Variants in PRR16 observed in about 807,000 individuals in gnomAD.
PRR16 encodes protein Largen.
A neutral mutation model predicts 18.2 loss-of-function variants in PRR16; 6 were observed. The observed-to-expected ratio is 0.33, with a 90% CI of 0.18 to 0.65. PRR16 has a LOEUF of 0.65. Among genes scored for constraint, PRR16 ranks in the 30% least tolerant of loss-of-function variants. The pLI is 0.74. For synonymous variants in PRR16, 151 were observed against 147.8 expected, an observed-to-expected ratio of 1.02 and a Z score of -0.16; for missense variants, 412 against 376.6, an observed-to-expected ratio of 1.09 and a Z score of -0.78.
At chr5:120,790,092 C>G in the PRR16 span, 1 of 152,122 alleles carries the variant, frequency 6.6e-6, no homozygotes, top group African/African-American at 2.4e-5. Context: ...GCAGCAAATC[C>G]CTCAACCTTG....
Position 120,686,739 on chromosome 5 carries a change from AT to A in PRR16, c.*34del. On this transcript the variant is annotated 3_prime_UTR_variant, in exon 2 of 2. Transcript: ENST00000407149. ...TGCCATTAAAAAAATTGTTTTTTTA[AT>A]TTTCTATATTATAAACATAAAATAA... is the stretch of plus-strand genomic sequence containing the variant. The A allele has an allele frequency of 7.2e-7, 1 of 1,382,862 alleles. No homozygotes were observed. The highest frequency in any genetic ancestry group is 9.5e-7 in the Non-Finnish European group (1 of 1,051,020). 85.7% of individuals were successfully genotyped at this position (1,382,862 alleles called of 1,614,324 possible).
the PRR16 span, among the ~76,000 whole-genome samples, chr5:120,722,292 T>C: frequency 2.6e-5 from 4 of 152,180 alleles, no homozygotes; most frequent in South Asian, 8.3e-4. Flanking sequence ...GAAAAGACTC[T>C]GATACTATCG....
chr5:120,465,281 C>A (rs1395697811), intron 1 of PRR16, among the ~76,000 whole-genome samples: 1 of 152,236 alleles, frequency 6.6e-6, no homozygotes, highest in Admixed American at 6.5e-5. Context: ...CTCCTCCGAA[C>A]GTCGTTACCA....
intron 1 of PRR16, among the ~76,000 whole-genome samples, chr5:120,491,473 CCT>C (rs754887679): frequency 6.4e-5 from 3 of 47,234 alleles, no homozygotes; most frequent in Admixed American, 2.4e-4. Context: ...CCTTTCCTTT[CCT>C]TTCCTTTCTT....
At chr5:120,735,072 A>G in the PRR16 span, among the ~76,000 whole-genome samples, 10 of 152,136 alleles carry the variant, frequency 6.6e-5, no homozygotes, top group African/African-American at 2.4e-4. Context: ...GTTTCTATGA[A>G]TTTAACTTTC....
rs186244717 is a variant in PRR16 at position 120,640,410 on chromosome 5, G to A, written c.160-45544G>A. ...TATTCAATGCATTAACATGTTTGGTGCCATGTAGAAAGAGAAACATGAGCC... is the reference window on the plus strand; with the variant it reads ...TATTCAATGCATTAACATGTTTGGTACCATGTAGAAAGAGAAACATGAGCC... On this transcript the variant is annotated intron_variant, in intron 1 of 1. Coordinates refer to ENST00000407149, the MANE Select transcript of PRR16 (RefSeq NM_001300783.2). Among the ~76,000 whole-genome samples the A allele has an allele frequency of 2.0e-5, 3 of 152,208 alleles. No individual in the cohort carries two copies. In the East Asian group the frequency reaches 5.8e-4, roughly 29 times the overall value.
At chr5:120,641,767 C>T (rs1755430225) in intron 1 of PRR16, among the ~76,000 whole-genome samples, 1 of 152,082 alleles carries the variant, frequency 6.6e-6, no homozygotes, top group Admixed American at 6.6e-5. Flanking sequence ...CAGCTTCACC[C>T]TCCGTCTGCA....
intron 1 of PRR16, among the ~76,000 whole-genome samples, chr5:120,494,344 C>G (rs1319835906): frequency 2.0e-5 from 3 of 151,732 alleles, no homozygotes; most frequent in Non-Finnish European, 2.9e-5. Context: ...CTGTTCATGT[C>G]TTTTATTTTT....
intron 1 of PRR16, among the ~76,000 whole-genome samples, chr5:120,534,211 A>G (rs1335446277): frequency 6.6e-6 from 1 of 152,242 alleles, no homozygotes; most frequent in African/African-American, 2.4e-5. Flanking sequence ...ATTTAAAGCC[A>G]TAAAACTAAT....
the PRR16 span, among the ~76,000 whole-genome samples, chr5:120,775,796 ATTTTTTTT>A: frequency 7.3e-4 from 59 of 80,614 alleles, no homozygotes; most frequent in Middle Eastern, 8.5e-3. Flanking sequence ...ACGCCTGGCT[ATTTTTTTT>A]TTTTTTTTTT....
At chr5:120,721,132 C>T in the PRR16 span, among the ~76,000 whole-genome samples, 1 of 152,034 alleles carries the variant, frequency 6.6e-6, no homozygotes. Context: ...GTATGGAATT[C>T]ATTTATTCAT....
At chr5:120,654,003 G>T (rs952633477) in intron 1 of PRR16, among the ~76,000 whole-genome samples, 3 of 151,964 alleles carry the variant, frequency 2.0e-5, no homozygotes, top group Non-Finnish European at 2.9e-5. Flanking sequence ...AAGGTAGCTA[G>T]GCAAATGACC....
the PRR16 span, among the ~76,000 whole-genome samples, chr5:120,728,691 G>A: frequency 6.6e-6 from 1 of 152,186 alleles, no homozygotes; most frequent in Non-Finnish European, 1.5e-5. Context: ...CTGTCAAGCT[G>A]GATGGCGTGC....
Position 120,651,224 on chromosome 5 carries a change from A to G in PRR16, c.160-34730A>G, listed in dbSNP as rs182380387. On this transcript the variant is annotated intron_variant, in intron 1 of 1. Coordinates refer to ENST00000407149, the MANE Select transcript of PRR16 (RefSeq NM_001300783.2). ...TTTGAGTTCATTGTAGATTCTGGAT[A>G]TTAGCCCCTTGTCAGATGAGTAGGT... Among the ~76,000 whole-genome samples, 613 of 152,088 alleles carry G rather than the reference A, an allele frequency of 4.0e-3. 5 individuals are homozygous for G. The highest frequency in any genetic ancestry group is 7.2e-3 in the Non-Finnish European group (493 of 68,010).
At chr5:120,660,720 T>A (rs957829638) in intron 1 of PRR16, among the ~76,000 whole-genome samples, 8 of 152,200 alleles carry the variant, frequency 5.3e-5, no homozygotes, top group Non-Finnish European at 1.2e-4. Flanking sequence ...TTTTGAACTT[T>A]TACTATATAG....
chr5:120,754,235 T>A, the PRR16 span, among the ~76,000 whole-genome samples: 1 of 100,326 alleles, frequency 1.0e-5, no homozygotes, highest in Non-Finnish European at 1.8e-5. Flanking sequence ...TAATATAATA[T>A]ATAATTAGAT....
intron 1 of PRR16, among the ~76,000 whole-genome samples, chr5:120,571,665 C>G (rs10045601): frequency 0.79 from 120,240 of 152,062 alleles, 48,245 homozygotes; most frequent in Non-Finnish European, 0.83. Flanking sequence ...CTAAGAGAGG[C>G]ATGCAGGTAC....
At chr5:120,592,205 C>T (rs898107511) in intron 1 of PRR16, among the ~76,000 whole-genome samples, 4 of 152,170 alleles carry the variant, frequency 2.6e-5, no homozygotes, top group African/African-American at 9.6e-5. Flanking sequence ...TGTTTGAAGT[C>T]TGCATGCTGC....
At chr5:120,597,139 G>T (rs1753839876) in intron 1 of PRR16, among the ~76,000 whole-genome samples, 1 of 151,412 alleles carries the variant, frequency 6.6e-6, no homozygotes, top group African/African-American at 2.4e-5. Context: ...ATTTTTACTG[G>T]ATCATCTCTC....
Sources: gnomAD v4.1 joint callset for allele counts (sites outside exome capture counted in the v4.1 genomes callset) on GRCh38, gnomAD v4.1.1 for gene constraint, MANE v1.5 for transcripts, NCBI Gene and HGNC (gene_info 2026-07-23, HGNC 2026-07-21) for gene names.